CDH7: variants seen among roughly 807,000 people sequenced by gnomAD.
CDH7 encodes cadherin-7.
CDH7 carries 25 observed loss-of-function variants against 71.8 expected under a neutral mutation model. That is an observed-to-expected ratio of 0.35 (90% CI 0.25 to 0.49). The LOEUF is 0.49. CDH7 is among the 20% of genes least tolerant of loss of function. The pLI, the probability that CDH7 is intolerant of heterozygous loss-of-function variation, is 0.99. For missense variants in CDH7, 862 were observed against 974.6 expected (o/e 0.88, Z 1.54); for synonymous variants, 381 against 363.8 (o/e 1.05, Z -0.54).
intron 7 of CDH7, among the ~76,000 whole-genome samples, chr18:65,852,293 T>G (rs1056202530): frequency 6.6e-6 from 1 of 152,120 alleles, no homozygotes; most frequent in Non-Finnish European, 1.5e-5. Flanking sequence ...ACTGTGAAAT[T>G]TTAGAGTCCA....
At chr18:65,823,363 T>C (rs1457224557) in intron 5 of CDH7, among the ~76,000 whole-genome samples, 2 of 151,928 alleles carry the variant, frequency 1.3e-5, no homozygotes, top group Non-Finnish European at 2.9e-5. Flanking sequence ...AATGCAATTA[T>C]CTTGGGCTTA....
intron 1 of CDH7, among the ~76,000 whole-genome samples, chr18:65,758,976 C>T (rs1916110153): frequency 6.6e-6 from 1 of 152,080 alleles, no homozygotes; most frequent in South Asian, 2.1e-4. Context: ...AAATGAGTTG[C>T]TCAATTATCA....
chr18:65,834,757 A>G (rs1021746647), intron 6 of CDH7, among the ~76,000 whole-genome samples: 4 of 152,184 alleles, frequency 2.6e-5, no homozygotes, highest in Non-Finnish European at 5.9e-5. Flanking sequence ...AGAAATTCCC[A>G]TGTCGAGATC....
Position 65,790,261 on chromosome 18 carries a change from A to G in CDH7, c.211-19443A>G, listed in dbSNP as rs189489897. On this transcript the variant is annotated intron_variant, in intron 2 of 11. Transcript: ENST00000397968. The stretch of plus-strand genomic sequence containing the variant: ...AAAAAAAAGAAGTTGCCTGAGGGAT[A>G]TCTATGTGGAGGTGTGCATGCATGA... Among the ~76,000 whole-genome samples the G allele has an allele frequency of 4.4e-4, 66 of 150,128 alleles. No homozygotes were observed. The East Asian group carries it at 8.7e-3, about 20-fold the overall frequency.
rs188042954 is a variant in CDH7 at position 65,777,562 on chromosome 18, T to G, written c.210+14510T>G. On this transcript the variant is annotated intron_variant, in intron 2 of 11. Transcript: ENST00000397968. ...CATCTGGTTAAGTGGAAAGCATACT[T>G]GTATTTGCATGACAAATTCATCACT... Among the ~76,000 whole-genome samples, 56 of 152,164 alleles carry G rather than the reference T, an allele frequency of 3.7e-4. 1 individual carries two copies. The highest frequency in any genetic ancestry group is 6.2e-4 in the South Asian group (3 of 4,822).
At chr18:65,814,064 C>T (rs1911637114) in intron 3 of CDH7, among the ~76,000 whole-genome samples, 5 of 152,088 alleles carry the variant, frequency 3.3e-5, no homozygotes, top group Admixed American at 3.3e-4. Flanking sequence ...CAGTTGTATA[C>T]CTGCAATTAC....
At chr18:65,778,665 TC>T (rs548625629) in intron 2 of CDH7, among the ~76,000 whole-genome samples, 192 of 128,774 alleles carry the variant, frequency 1.5e-3, no homozygotes, top group South Asian at 3.0e-3. Flanking sequence ...GAGTTTATTT[TC>T]TTTTTTTTTG....
At position 65,799,405 on chromosome 18, in the gene CDH7, C is replaced by T. The variant is rs140956043; in HGVS notation, c.211-10299C>T. ...TAAGAAGGACAATCCTGGCCGGGTG[C>T]GGTGGCTCAAGCCTGTAATCCCAGC... On this transcript the variant is annotated intron_variant, in intron 2 of 11. Transcript: ENST00000397968. Among the ~76,000 whole-genome samples the T allele has an allele frequency of 2.8e-3, 431 of 152,120 alleles. 7 individuals carry two copies. The East Asian group carries it at 0.04, about 14-fold the overall frequency.
chr18:65,781,977 TC>T lies in CDH7; in HGVS notation c.210+18926del, dbSNP rs1290061042. Among the ~76,000 whole-genome samples, 8 of 107,968 alleles carry T rather than the reference TC, an allele frequency of 7.4e-5. 2 individuals carry two copies. The highest frequency in any genetic ancestry group is 3.2e-4 in the South Asian group (1 of 3,090). 70.8% of individuals were successfully genotyped at this position (107,968 alleles called of 152,430 possible). A position where few individuals can be genotyped will look rare whatever the true frequency, so the allele number is the denominator to read the frequency against. ...CTTTCTCTCTTTCTCTCTCTCTCTC[TC>T]TCTCTCTCTTTCTCTCTTTCTCTCT... On this transcript the variant is annotated intron_variant, in intron 2 of 11. Coordinates refer to ENST00000397968, the MANE Select transcript of CDH7 (RefSeq NM_004361.5).
chr18:65,845,103 T>C (rs559467436), intron 7 of CDH7, among the ~76,000 whole-genome samples: 1 of 151,922 alleles, frequency 6.6e-6, no homozygotes, highest in East Asian at 1.9e-4. Context: ...AAGCCGATAA[T>C]GTTGTTTCTT....
intron 1 of CDH7, among the ~76,000 whole-genome samples, chr18:65,757,581 T>A (rs1401204990): frequency 6.6e-6 from 1 of 152,126 alleles, no homozygotes; most frequent in Non-Finnish European, 1.5e-5. Context: ...AAAAACATTT[T>A]AAATCTTCCT....
intron 2 of CDH7, among the ~76,000 whole-genome samples, chr18:65,776,161 T>C (rs978449289): frequency 5.3e-5 from 8 of 152,126 alleles, no homozygotes; most frequent in Non-Finnish European, 1.2e-4. Context: ...TACTTTATTT[T>C]ATTTTTGTTT....
chr18:65,838,781 A>G (rs1437063710), intron 6 of CDH7, among the ~76,000 whole-genome samples: 1 of 152,200 alleles, frequency 6.6e-6, no homozygotes, highest in Non-Finnish European at 1.5e-5. Flanking sequence ...GGCAAGGGAA[A>G]TTTTGAGACT....
At chr18:65,805,278 A>G (rs2143894272) in intron 2 of CDH7, among the ~76,000 whole-genome samples, 1 of 152,340 alleles carries the variant, frequency 6.6e-6, no homozygotes, top group Middle Eastern at 3.4e-3. Context: ...GGGAATTTGC[A>G]TCGAGCTGAA....
intron 10 of CDH7, among the ~76,000 whole-genome samples, chr18:65,861,761 A>G (rs1168086183): frequency 2.0e-5 from 3 of 152,150 alleles, no homozygotes; most frequent in Admixed American, 6.5e-5. Context: ...TTTTCATGCT[A>G]TCATTGAATA....
intron 7 of CDH7, among the ~76,000 whole-genome samples, chr18:65,844,439 A>G (rs1912863979): frequency 6.6e-6 from 1 of 151,940 alleles, no homozygotes; most frequent in Non-Finnish European, 1.5e-5. Context: ...TAATTGTATC[A>G]ACAATTCAAA....
At chr18:65,824,249 A>T (rs1323318082) in intron 5 of CDH7, among the ~76,000 whole-genome samples, 1 of 151,812 alleles carries the variant, frequency 6.6e-6, no homozygotes, top group Non-Finnish European at 1.5e-5. Context: ...TTCAAGGCCA[A>T]TCTATTCTAT....
chr18:65,794,464 C>T (rs1191325992), intron 2 of CDH7, among the ~76,000 whole-genome samples: 1 of 151,758 alleles, frequency 6.6e-6, no homozygotes, highest in Admixed American at 6.6e-5. Flanking sequence ...AGAAATAAAA[C>T]CATCCTTATT....
intron 1 of CDH7, among the ~76,000 whole-genome samples, chr18:65,751,378 G>T (rs1486141985): frequency 6.6e-6 from 1 of 152,246 alleles, no homozygotes; most frequent in Non-Finnish European, 1.5e-5. Context: ...CGGAAAGCCG[G>T]TGTTGACAGA....
Sources: gnomAD v4.1 joint callset for allele counts (sites outside exome capture counted in the v4.1 genomes callset) on GRCh38, gnomAD v4.1.1 for gene constraint, MANE v1.5 for transcripts, NCBI Gene and HGNC (gene_info 2026-07-23, HGNC 2026-07-21) for gene names.